COX15: variants seen among roughly 807,000 people sequenced by gnomAD.
COX15 encodes the protein heme A synthase COX15.
In COX15, 51 loss-of-function variants were observed where a neutral mutation model predicts 51.9. The ratio of observed to expected loss-of-function variants is 0.98; its 90% CI spans 0.78 to 1.24. COX15 has a LOEUF of 1.24. Among genes scored for constraint, COX15 ranks in the 50% most tolerant of loss-of-function variants. COX15 has a pLI of 0.00. For missense variants in COX15, 420 were observed against 501.1 expected (o/e 0.84, Z 1.55); for synonymous variants, 188 against 190.5 (o/e 0.99, Z 0.11).
downstream of COX15, among the ~76,000 whole-genome samples, chr10:99,708,083 C>T (rs147917263): frequency 6.6e-6 from 1 of 152,244 alleles, no homozygotes; most frequent in East Asian, 1.9e-4. Flanking sequence ...TCCACAGTGT[C>T]TATTCTGGTC....
At chr10:99,695,837 T>C in the COX15 span, 1 of 898,120 alleles carries the variant, frequency 1.1e-6, no homozygotes, top group East Asian at 2.8e-5. Flanking sequence ...GATGAAAGAA[T>C]GCTTAAGATG....
At chr10:99,695,857 G>C in the COX15 span, 2 of 1,090,792 alleles carry the variant, frequency 1.8e-6, no homozygotes, top group Non-Finnish European at 2.6e-6. Context: ...GTTTTAAAGA[G>C]TAGTCATAGA....
At chr10:99,724,208 G>T in intron 4 of COX15, 85 bp from the exon 5 acceptor site, 1 of 1,489,228 alleles carries the variant, frequency 6.7e-7, no homozygotes. Flanking sequence ...TTTTGAGACA[G>T]AGTCTCACTC....
chr10:99,726,391 G>C (rs1194536778), intron 4 of COX15, among the ~76,000 whole-genome samples: 4 of 152,032 alleles, frequency 2.6e-5, no homozygotes, highest in Non-Finnish European at 5.9e-5. Flanking sequence ...TTTAAATATG[G>C]ATTATCTCAT....
chr10:99,725,335 G>A (rs1251814821), intron 4 of COX15, among the ~76,000 whole-genome samples: 1 of 152,178 alleles, frequency 6.6e-6, no homozygotes, highest in Admixed American at 6.5e-5. Context: ...AGATGAAGAC[G>A]TACACAGTTG....
downstream of COX15, chr10:99,709,342 T>A: frequency 1.0e-6 from 1 of 985,402 alleles, no homozygotes; most frequent in Non-Finnish European, 1.2e-6. Context: ...TAATGTTGAT[T>A]GGGAATAAGA....
Position 99,727,048 on chromosome 10 carries a change from C to T in COX15, c.502G>A (p.Ala168Thr). The change falls in exon 4 of 9, where the codon GCC becomes ACC. Residue 168 changes from alanine (A) to threonine (T), a missense_variant. Physicochemically the swap from Ala to Thr is moderately conservative, Grantham distance 58. Transcript: ENST00000016171. ...AGCCAGCCCTTTCTCCAAAAGTAGG[C>T]AGCAGGCAGGATGTACACAAGGCCT... ...LVGLVYILPAAYFWRKGWLSR... is the reference protein window; with the variant it reads ...LVGLVYILPATYFWRKGWLSR... The T allele has an allele frequency of 6.2e-7, 1 of 1,614,172 alleles. No individual in the cohort carries two copies. The highest frequency in any genetic ancestry group is 8.5e-7 in the Non-Finnish European group (1 of 1,180,020).
chr10:99,710,310 T>C (rs566649622), downstream of COX15: 1 of 985,464 alleles, frequency 1.0e-6, no homozygotes, highest in South Asian at 4.7e-5. Context: ...TTTCAGTTAC[T>C]ATGTTGTATT....
the COX15 span, chr10:99,698,963 C>A: frequency 9.2e-7 from 1 of 1,089,268 alleles, no homozygotes; most frequent in Non-Finnish European, 1.3e-6. Flanking sequence ...CAGAATCTCA[C>A]TTGTTCTTTG....
intron 1 of COX15, among the ~76,000 whole-genome samples, chr10:99,730,619 A>G (rs1469700629): frequency 6.6e-6 from 1 of 152,052 alleles, no homozygotes; most frequent in Non-Finnish European, 1.5e-5. Context: ...TCTAGATGGT[A>G]TCGCCTACTA....
At chr10:99,717,148 G>A (rs2300985) in intron 7 of COX15, among the ~76,000 whole-genome samples, 61,410 of 151,924 alleles carry the variant, frequency 0.4, 12,664 homozygotes, top group East Asian at 0.6. Context: ...CCCAGCCCCC[G>A]TTGGACAGCT....
At position 99,714,454 on chromosome 10, in the gene COX15, G is replaced by T; in HGVS notation, c.*133C>A. 16 of 1,540,098 alleles carry T rather than the reference G, an allele frequency of 1.0e-5. No individual in the cohort carries two copies. Among genetic ancestry groups the T allele is most frequent in the Non-Finnish European group, 1.4e-5 (16 of 1,146,694 alleles). ...CAGTGACTATCTCAAAACAGGAAAA[G>T]ATTTTTAAGTAAGTTGACCATTTGG... On this transcript the variant is annotated 3_prime_UTR_variant, in exon 9 of 9. Coordinates refer to ENST00000016171, the MANE Select transcript of COX15 (RefSeq NM_078470.6).
chr10:99,713,403 C>G lies in COX15; in HGVS notation c.*1184G>C. 1 of 1,613,860 alleles carries G rather than the reference C, an allele frequency of 6.2e-7. No individual in the cohort carries two copies. The highest frequency in any genetic ancestry group is 1.1e-5 in the South Asian group (1 of 91,064). ...ATTATATTAGCAATATTGGGTTGCT[C>G]CATCCTCAAATCAGATGTTTCTGAT... is the stretch of plus-strand genomic sequence containing the variant. On this transcript the variant is annotated 3_prime_UTR_variant, in exon 9 of 9. Transcript: ENST00000016171.
rs2036503521 is a variant in COX15, at chr10:99,714,484, CACTTGGT to C, written c.*96_*102del. 1 of 1,591,246 alleles carries C rather than the reference CACTTGGT, an allele frequency of 6.3e-7. No homozygotes were observed. Among genetic ancestry groups the C allele is most frequent in the African/African-American group, 1.3e-5 (1 of 74,614 alleles). ...TTAAGTAAGTTGACCATTTGGAAAC[CACTTGGT>C]ATGTCAAGGTCATCTCGTAGAAAAG... On this transcript the variant is annotated 3_prime_UTR_variant, in exon 9 of 9. Transcript: ENST00000016171.
rs3215694 is a variant in COX15, at chr10:99,718,243, T to TC, written c.987+102dup. ...TTCCAAAGAGAGCAGGAAATATAGT[T>TC]CCTGCTCTACCCTCTCAGTGTTGCC... On this transcript the variant is annotated intron_variant, in intron 7 of 8. Coordinates refer to ENST00000016171, the MANE Select transcript of COX15 (RefSeq NM_078470.6). The TC allele has an allele frequency of 0.87, 1,097,432 of 1,266,134 alleles. 477,120 individuals carry two copies. The highest frequency in any genetic ancestry group is 0.9 in the Middle Eastern group (3,397 of 3,784). The allele number at this position is 1,266,134 out of a possible 1,614,324, so 78.4% of individuals were successfully genotyped here. A position where few individuals can be genotyped will look rare whatever the true frequency, so the allele number is the denominator to read the frequency against.
At chr10:99,706,035 AC>A (rs1365144089), downstream of COX15, 1 of 152,132 alleles carries the variant, frequency 6.6e-6, no homozygotes, top group African/African-American at 2.4e-5. Context: ...ATATGCTCCC[AC>A]GGCTGGGAGC....
chr10:99,730,095 C>T (rs1212457697), intron 1 of COX15, among the ~76,000 whole-genome samples: 3 of 152,160 alleles, frequency 2.0e-5, no homozygotes, highest in Admixed American at 6.5e-5. Context: ...TGCAGATCTC[C>T]GCTTACATGT....
chr10:99,729,408 C>T (rs2037063164), intron 2 of COX15, 145 bp downstream of exon 2: 4 of 858,498 alleles, frequency 4.7e-6, no homozygotes, highest in South Asian at 1.4e-5. Flanking sequence ...TGCAGTCAGC[C>T]GAGATCACAC....
In COX15 at chr10:99,712,513, G is replaced by A; in HGVS notation, c.*2074C>T. The A allele has an allele frequency of 1.0e-6, 1 of 985,286 alleles. No homozygotes were observed. The highest frequency in any genetic ancestry group is 1.2e-6 in the Non-Finnish European group (1 of 829,870). The allele number at this position is 985,286 out of a possible 1,614,324, so 61.0% of individuals were successfully genotyped here. ...TGAATCCAGCATCTCTTTTTGCTTT[G>A]TAAATGAGGTCAAGGATGAAATCCA... is the stretch of plus-strand genomic sequence containing the variant. On this transcript the variant is annotated 3_prime_UTR_variant, in exon 9 of 9. Transcript: ENST00000016171.
Sources: allele counts gnomAD v4.1 joint callset (sites outside exome capture counted in the v4.1 genomes callset), GRCh38; gene constraint gnomAD v4.1.1; transcripts MANE v1.5; gene names NCBI Gene and HGNC (gene_info 2026-07-23, HGNC 2026-07-21).